The following PCDHGA1 variants were observed in gnomAD, a reference collection of about 807,000 sequenced individuals.
PCDHGA1 encodes the protein protocadherin gamma-A1.
PCDHGA1 carries 32 observed loss-of-function variants against 58.0 expected under a neutral mutation model. That is an observed-to-expected ratio of 0.55 (90% confidence interval 0.42 to 0.74). PCDHGA1 has a LOEUF of 0.74. PCDHGA1 is among the 30% of genes least tolerant of loss of function. The pLI is 0.00. For missense variants in PCDHGA1, 1,205 were observed against 1,182.3 expected (o/e 1.02, Z -0.28); for synonymous variants, 498 against 501.1 (o/e 0.99, Z 0.08).
intron 1 of PCDHGA1, chr5:141,405,433 T>G (rs539486666): frequency 2.0e-6 from 3 of 1,471,752 alleles, no homozygotes; most frequent in Admixed American, 3.9e-5. Flanking sequence ...TTTTGTTTTG[T>G]TTTTGAGACA....
In PCDHGA1 at chr5:141,382,679, C is replaced by T. The variant is rs184405216; in HGVS notation, c.2421+49574C>T. On this transcript the variant is annotated intron_variant, in intron 1 of 3. Transcript: ENST00000517417. ...ACTCACAGCGCCGCTGTTCACCAAC[C>T]AGGGAAAAATGGTGCGAGAGATCCC... 912 of 439,966 alleles carry T rather than the reference C, an allele frequency of 2.1e-3. 11 individuals carry two copies. Among genetic ancestry groups the T allele is most frequent in the Non-Finnish European group, 1.1e-3 (277 of 250,538 alleles). 27.3% of individuals were successfully genotyped at this position (439,966 alleles called of 1,614,324 possible). A position where few individuals can be genotyped will look rare whatever the true frequency, so the allele number is the denominator to read the frequency against.
chr5:141,393,447 C>G, intron 1 of PCDHGA1: 1 of 1,614,052 alleles, frequency 6.2e-7, no homozygotes. Flanking sequence ...CCACCTGGTC[C>G]TCACGGCCTC....
intron 1 of PCDHGA1, chr5:141,391,245 G>A (rs1324945676): frequency 6.6e-6 from 1 of 151,892 alleles, no homozygotes; most frequent in African/African-American, 2.4e-5. Flanking sequence ...GTATATCTAA[G>A]CAACTGCTTC....
intron 1 of PCDHGA1, chr5:141,421,621 C>T (rs2154549322): frequency 6.2e-7 from 1 of 1,613,772 alleles, no homozygotes; most frequent in Non-Finnish European, 8.5e-7. Flanking sequence ...TGATAACGCC[C>T]CCAGCTTCCA....
intron 1 of PCDHGA1, chr5:141,427,891 G>A (rs767506033): frequency 1.3e-6 from 2 of 1,566,658 alleles, no homozygotes; most frequent in South Asian, 2.2e-5. Context: ...CACGACCAGG[G>A]CTCGCCCGCG....
rs1589038346 is a variant in PCDHGA1, at chr5:141,387,562, C to T, written c.2421+54457C>T. The T allele has an allele frequency of 6.9e-6, 3 of 437,514 alleles. No individual in the cohort carries two copies. The Admixed American group carries it at 1.2e-4, about 17-fold the overall frequency. The allele number at this position is 437,514 out of a possible 1,614,324, so 27.1% of individuals were successfully genotyped here. A position where few individuals can be genotyped will look rare whatever the true frequency, so the allele number is the denominator to read the frequency against. ...GTTTTTGTTCTTTCAGTTAGGCACA[C>T]AATTATAATTATTGCACTGGTTAAC... On this transcript the variant is annotated intron_variant, in intron 1 of 3. Transcript: ENST00000517417.
intron 1 of PCDHGA1, chr5:141,350,431 G>A (rs1758473028): frequency 6.2e-7 from 1 of 1,610,338 alleles, no homozygotes; most frequent in Admixed American, 1.7e-5. Context: ...TCAGTGTCCG[G>A]GAGTTGCCAA....
intron 1 of PCDHGA1, chr5:141,339,539 A>C: frequency 1.2e-6 from 2 of 1,614,136 alleles, no homozygotes; most frequent in Non-Finnish European, 1.7e-6. Context: ...TGATGGGAAC[A>C]AGTACCCAGA....
At chr5:141,339,151 A>T (rs776317992) in intron 1 of PCDHGA1, 1 of 1,614,210 alleles carries the variant, frequency 6.2e-7, no homozygotes, top group Non-Finnish European at 8.5e-7. Context: ...TGGCACTGGC[A>T]GAGCAGGGAG....
intron 1 of PCDHGA1, among the ~76,000 whole-genome samples, chr5:141,455,177 T>C (rs2098816411): frequency 6.6e-6 from 1 of 152,040 alleles, no homozygotes; most frequent in Non-Finnish European, 1.5e-5. Context: ...TTTTAGTTTT[T>C]TTATTTCTCT....
intron 1 of PCDHGA1, chr5:141,404,968 G>A: frequency 6.2e-7 from 1 of 1,613,964 alleles, no homozygotes. Context: ...CAGACATCCT[G>A]GCTGACCTGG....
At chr5:141,398,014 C>T in intron 1 of PCDHGA1, 1 of 1,420,276 alleles carries the variant, frequency 7.0e-7, no homozygotes, top group South Asian at 1.5e-5. Context: ...AGAATCGTTT[C>T]CTAAACTGGA....
chr5:141,510,954 T>G lies in PCDHGA1; in HGVS notation c.2577T>G (p.Ala859=), dbSNP rs774590102. The change falls in exon 4 of 4, where the codon GCT becomes GCG. Residue 859 remains alanine, a synonymous_variant. Coordinates refer to ENST00000517417, the MANE Select transcript of PCDHGA1 (RefSeq NM_018912.3). ...AMILASASEA[A]DGSSTLGGGA... ...CTTCCTCTGTCTCTGCAGAAGCTGC[T>G]GATGGGAGCTCCACCCTGGGAGGGG... is the stretch of plus-strand genomic sequence containing the variant. The G allele has an allele frequency of 3.1e-6, 5 of 1,614,162 alleles. No homozygotes were observed. The Admixed American group carries it at 8.3e-5, about 27-fold the overall frequency.
rs368718827 is a variant in PCDHGA1, at chr5:141,410,231, G to A, written c.2421+77126G>A. On this transcript the variant is annotated intron_variant, in intron 1 of 3. Transcript: ENST00000517417. ...GCAAGAGATACTGCCAGACCTCAGC[G>A]ACCGCCCTGTACTCTCTGACCCCCA... 8.7e-6 allele frequency: 14 copies of A among 1,613,888 alleles called. No homozygotes were observed. The highest frequency in any genetic ancestry group is 1.6e-4 in the Middle Eastern group (1 of 6,084).
intron 2 of PCDHGA1, among the ~76,000 whole-genome samples, chr5:141,503,855 TA>T (rs2099832899): frequency 1.3e-5 from 2 of 152,136 alleles, no homozygotes; most frequent in Non-Finnish European, 2.9e-5. Context: ...GGAAAAATTG[TA>T]AAGCAGTTCT....
intron 1 of PCDHGA1, chr5:141,342,690 T>G (rs1160050224): frequency 6.6e-6 from 1 of 152,228 alleles, no homozygotes; most frequent in Non-Finnish European, 1.5e-5. Flanking sequence ...TAAAGCAAAG[T>G]TATTTTTAGT....
intron 1 of PCDHGA1, chr5:141,427,456 G>C (rs1172525843): frequency 2.0e-6 from 1 of 492,524 alleles, no homozygotes; most frequent in African/African-American, 1.9e-5. Flanking sequence ...GTTCCTTTTA[G>C]AATCGAATCT....
intron 1 of PCDHGA1, chr5:141,342,829 T>C (rs1190142111): frequency 2.0e-5 from 3 of 152,194 alleles, no homozygotes; most frequent in Non-Finnish European, 4.4e-5. Context: ...TTCTGGAACA[T>C]AAAAGCTTAT....
chr5:141,422,410 T>C, intron 1 of PCDHGA1: 1 of 1,601,816 alleles, frequency 6.2e-7, no homozygotes, highest in Non-Finnish European at 8.5e-7. Context: ...GCCTTTTAAA[T>C]TAGAAAAGAC....
Sources: allele counts gnomAD v4.1 joint callset (sites outside exome capture counted in the v4.1 genomes callset), GRCh38; gene constraint gnomAD v4.1.1; transcripts MANE v1.5; gene names NCBI Gene and HGNC (gene_info 2026-07-23, HGNC 2026-07-21).